Variants in SEL1L3 observed in about 807,000 individuals in gnomAD.
The protein encoded by SEL1L3 is protein sel-1 homolog 3.
A neutral mutation model predicts 142.8 loss-of-function variants in SEL1L3; 76 were observed. The ratio of observed to expected loss-of-function variants is 0.53; its 90% confidence interval spans 0.44 to 0.64. SEL1L3 has a LOEUF of 0.64. Among genes scored for constraint, SEL1L3 ranks in the 30% least tolerant of loss-of-function variants. The pLI, the probability that SEL1L3 is intolerant of heterozygous loss-of-function variation, is 0.00. For missense variants in SEL1L3, 1,262 were observed against 1,381.7 expected, an observed-to-expected ratio of 0.91 and a Z score of 1.37; for synonymous variants, 504 against 519.6, an observed-to-expected ratio of 0.97 and a Z score of 0.41.
chr4:25,790,169 T>C lies in SEL1L3; in HGVS notation c.2076+286A>G, dbSNP rs1007154673. On this transcript the variant is annotated intron_variant, in intron 12 of 23. Coordinates refer to ENST00000399878, the MANE Select transcript of SEL1L3 (RefSeq NM_015187.5). The stretch of plus-strand genomic sequence containing the variant: ...GTCAAGAGGGGCCACGTGATTTGCA[T>C]TGGCCAGTGAAATATCCCACTTGTG... Among the ~76,000 whole-genome samples the C allele has an allele frequency of 8.5e-5, 13 of 152,206 alleles. 1 individual carries two copies. Among genetic ancestry groups the C allele is most frequent in the African/African-American group, 3.1e-4 (13 of 41,456 alleles).
the SEL1L3 span, among the ~76,000 whole-genome samples, chr4:25,734,895 T>C: frequency 5.3e-5 from 8 of 152,152 alleles, no homozygotes; most frequent in Non-Finnish European, 1.0e-4. Flanking sequence ...ATGAGGAATA[T>C]TGATCTGAGT....
rs187296495 is a variant in SEL1L3, at chr4:25,766,389, G to A, written c.2846-954C>T. Among the ~76,000 whole-genome samples, 472 of 147,816 alleles carry A rather than the reference G, an allele frequency of 3.2e-3. 2 individuals carry two copies. Among genetic ancestry groups the A allele is most frequent in the African/African-American group, 0.011 (437 of 39,830 alleles). ...TGGGAGGCAGAGGTTGCAGTGAGCC[G>A]AGATAGCACCATTGCACTCCAGCCT... On this transcript the variant is annotated intron_variant, in intron 19 of 23. Transcript: ENST00000399878.
At chr4:25,755,486 T>G (rs908226425) in intron 23 of SEL1L3, among the ~76,000 whole-genome samples, 1 of 152,102 alleles carries the variant, frequency 6.6e-6, no homozygotes, top group Non-Finnish European at 1.5e-5. Context: ...GGGCATAGAA[T>G]TAAATAATTT....
the SEL1L3 span, among the ~76,000 whole-genome samples, chr4:25,739,957 A>G: frequency 2.6e-5 from 4 of 151,698 alleles, no homozygotes; most frequent in Non-Finnish European, 5.9e-5. Flanking sequence ...AACTGAATTA[A>G]TTAATTAATT....
chr4:25,845,049 G>C (rs571283511), intron 2 of SEL1L3, among the ~76,000 whole-genome samples: 1 of 152,330 alleles, frequency 6.6e-6, no homozygotes, highest in East Asian at 1.9e-4. Context: ...ACAAACACAG[G>C]ACCCCCTGTA....
intron 10 of SEL1L3, among the ~76,000 whole-genome samples, chr4:25,803,805 GT>G (rs1388072295): frequency 1.3e-5 from 2 of 151,432 alleles, no homozygotes; most frequent in South Asian, 2.1e-4. Flanking sequence ...TGTTGTTTTG[GT>G]TTTTTTCCTG....
the SEL1L3 span, among the ~76,000 whole-genome samples, chr4:25,727,861 C>T: frequency 5.3e-5 from 8 of 152,090 alleles, no homozygotes; most frequent in East Asian, 3.9e-4. Context: ...AAAACAGTGT[C>T]GGGAAACAGG....
intron 19 of SEL1L3, among the ~76,000 whole-genome samples, chr4:25,766,552 T>C (rs538116150): frequency 3.0e-4 from 46 of 151,452 alleles, no homozygotes; most frequent in African/African-American, 9.9e-4. Context: ...GTTACTAGGA[T>C]GTTGGGAGAG....
At chr4:25,762,673 T>C (rs1353628362) in intron 20 of SEL1L3, among the ~76,000 whole-genome samples, 1 of 152,108 alleles carries the variant, frequency 6.6e-6, no homozygotes, top group Non-Finnish European at 1.5e-5. Flanking sequence ...CAATAAATGA[T>C]AAGACAGATT....
chr4:25,767,384 G>A (rs964275130), intron 19 of SEL1L3, 141 bp downstream of exon 19: 4 of 632,966 alleles, frequency 6.3e-6, no homozygotes, highest in African/African-American at 3.7e-5. Context: ...AGAGTTTAGC[G>A]ATCTTAATAG....
intron 17 of SEL1L3, among the ~76,000 whole-genome samples, chr4:25,771,887 C>T (rs1017284200): frequency 2.0e-5 from 3 of 152,208 alleles, no homozygotes; most frequent in Non-Finnish European, 4.4e-5. Flanking sequence ...TTCTGTATTA[C>T]GCTGATATAG....
intron 17 of SEL1L3, among the ~76,000 whole-genome samples, chr4:25,770,739 C>CAAAAAAAAAAAAAAAAAAAAAAAA (rs57317400): frequency 1.0e-5 from 1 of 97,362 alleles, no homozygotes; most frequent in Non-Finnish European, 2.1e-5. Context: ...GACTCTGTCT[C>CAAAAAAAAAAAAAAAAAAAAAAAA]AAAAAAAAAA....
chr4:25,762,708 C>T (rs1718451375), intron 20 of SEL1L3, among the ~76,000 whole-genome samples: 2 of 152,106 alleles, frequency 1.3e-5, no homozygotes, highest in African/African-American at 4.8e-5. Context: ...TGGCCAGGTG[C>T]GGTGCTCACC....
chr4:25,825,749 A>C (rs1715055805), intron 6 of SEL1L3, among the ~76,000 whole-genome samples: 1 of 133,454 alleles, frequency 7.5e-6, no homozygotes, highest in Non-Finnish European at 1.5e-5. Flanking sequence ...ATCTCAGCTC[A>C]CTGCAACCTC....
chr4:25,790,715 GGAGA>G (rs1181033588), intron 11 of SEL1L3, 141 bp from the exon 12 acceptor site: 2 of 156,656 alleles, frequency 1.3e-5, no homozygotes, highest in African/African-American at 3.2e-5. Context: ...AAGAAAAGAA[GGAGA>G]GAGGGAGGGA....
chr4:25,739,760 ATGTGTGTGTGTGTGTG>A, the SEL1L3 span, among the ~76,000 whole-genome samples: 1 of 146,446 alleles, frequency 6.8e-6, no homozygotes, highest in Non-Finnish European at 1.5e-5. Context: ...AGAAAAAATA[ATGTGTGTGTGTGTGTG>A]TGTGTGTGTG....
chr4:25,807,918 C>A (rs1449681321), intron 9 of SEL1L3, among the ~76,000 whole-genome samples: 2 of 152,070 alleles, frequency 1.3e-5, no homozygotes, highest in Non-Finnish European at 2.9e-5. Context: ...ATTCAAAACT[C>A]CCCCCAAAAT....
chr4:25,746,335 T>C (rs1182918267), downstream of SEL1L3, among the ~76,000 whole-genome samples: 1 of 151,446 alleles, frequency 6.6e-6, no homozygotes, highest in Non-Finnish European at 1.5e-5. Flanking sequence ...CTGGGCAACA[T>C]GGCAAAACAC....
the SEL1L3 span, among the ~76,000 whole-genome samples, chr4:25,717,049 C>T: frequency 6.6e-6 from 1 of 151,958 alleles, no homozygotes; most frequent in African/African-American, 2.4e-5. Context: ...ATCACTTGAA[C>T]CCAGGAGTCA....
Sources: allele counts gnomAD v4.1 joint callset (sites outside exome capture counted in the v4.1 genomes callset), GRCh38; gene constraint gnomAD v4.1.1; transcripts MANE v1.5; gene names NCBI Gene and HGNC (gene_info 2026-07-23, HGNC 2026-07-21).